Variants in ARFIP1 observed in about 807,000 individuals in gnomAD.
ARFIP1 encodes the protein arfaptin-1.
ARFIP1 carries 24 observed loss-of-function variants against 42.5 expected under a neutral mutation model. The ratio of observed to expected loss-of-function variants is 0.57; its 90% CI spans 0.41 to 0.80. The LOEUF is 0.80. Among genes scored for constraint, ARFIP1 ranks in the 30% least tolerant of loss-of-function variants. The probability of loss-of-function intolerance (pLI) is 0.00; values close to 1 mark genes in which losing one functional copy is unlikely to be tolerated. For synonymous variants in ARFIP1, 141 were observed against 153.7 expected, an observed-to-expected ratio of 0.92 and a Z score of 0.61; for missense variants, 354 against 434.0, an observed-to-expected ratio of 0.82 and a Z score of 1.64.
chr4:152,833,885 T>G (rs984033870), intron 2 of ARFIP1, among the ~76,000 whole-genome samples: 4 of 152,164 alleles, frequency 2.6e-5, no homozygotes, highest in Non-Finnish European at 4.4e-5. Context: ...TAGTCTGTTT[T>G]TGAGTTGCTA....
At chr4:152,904,431 C>T (rs1397801316) in intron 8 of ARFIP1, among the ~76,000 whole-genome samples, 4 of 152,010 alleles carry the variant, frequency 2.6e-5, no homozygotes, top group Non-Finnish European at 4.4e-5. Context: ...ACCTCGTGAT[C>T]TGCCCGCCTC....
intron 5 of ARFIP1, among the ~76,000 whole-genome samples, chr4:152,878,308 T>C (rs1735535933): frequency 6.6e-6 from 1 of 152,222 alleles, no homozygotes; most frequent in Non-Finnish European, 1.5e-5. Context: ...TTAATTCTCT[T>C]CCATTTTGAA....
intron 1 of ARFIP1, among the ~76,000 whole-genome samples, chr4:152,826,889 T>TA (rs1730881611): frequency 6.6e-6 from 1 of 152,188 alleles, no homozygotes; most frequent in Non-Finnish European, 1.5e-5. Context: ...ACCACATGGA[T>TA]AAACCTTGAA....
chr4:152,867,977 A>G (rs75907795), intron 3 of ARFIP1, among the ~76,000 whole-genome samples: 1 of 152,348 alleles, frequency 6.6e-6, no homozygotes, highest in Non-Finnish European at 1.5e-5. Context: ...ATAACATACA[A>G]TGGTTACAAT....
intron 1 of ARFIP1, among the ~76,000 whole-genome samples, chr4:152,800,037 C>G (rs1731705579): frequency 6.6e-6 from 1 of 151,872 alleles, no homozygotes; most frequent in Non-Finnish European, 1.5e-5. Flanking sequence ...TTAGCTATAC[C>G]CAAATATGCA....
At position 152,911,299 on chromosome 4, in the gene ARFIP1, AT is replaced by A. The variant is rs1738829231; in HGVS notation, c.*1081del. 1 of 152,628 alleles carries A rather than the reference AT, an allele frequency of 6.6e-6. No homozygotes were observed. 9.5% of individuals were successfully genotyped at this position (152,628 alleles called of 1,614,324 possible). A position where few individuals can be genotyped will look rare whatever the true frequency, so the allele number is the denominator to read the frequency against. ...ACATTTGAGGTTTATGGTAAAAATC[AT>A]CTTTTGAGTTTGCTCTTTGGTTTTT... On this transcript the variant is annotated 3_prime_UTR_variant, in exon 9 of 9. Transcript: ENST00000353617.
chr4:152,825,684 T>G (rs1200530013), intron 1 of ARFIP1, among the ~76,000 whole-genome samples: 6 of 151,992 alleles, frequency 3.9e-5, no homozygotes, highest in Non-Finnish European at 8.8e-5. Flanking sequence ...CAAAGATAAA[T>G]AAATGCAACT....
At chr4:152,887,166 TAA>T (rs1405361335) in intron 7 of ARFIP1, among the ~76,000 whole-genome samples, 3 of 151,962 alleles carry the variant, frequency 2.0e-5, no homozygotes, top group Non-Finnish European at 4.4e-5. Flanking sequence ...AGCTGCTGGA[TAA>T]ATCACTGTTT....
chr4:152,845,239 C>A (rs1351105806), intron 2 of ARFIP1, among the ~76,000 whole-genome samples: 1 of 152,120 alleles, frequency 6.6e-6, no homozygotes, highest in African/African-American at 2.4e-5. Flanking sequence ...AAAGATAAGA[C>A]CTCAAAGTAT....
intron 2 of ARFIP1, among the ~76,000 whole-genome samples, chr4:152,840,677 G>A (rs1487938628): frequency 2.0e-5 from 3 of 150,348 alleles, no homozygotes; most frequent in African/African-American, 4.9e-5. Context: ...GCAGATGGTT[G>A]GTTGATGAGT....
intron 5 of ARFIP1, among the ~76,000 whole-genome samples, chr4:152,879,233 G>T (rs1357672293): frequency 1.3e-5 from 2 of 151,848 alleles, no homozygotes; most frequent in African/African-American, 2.4e-5. Context: ...AATAGAAAAT[G>T]TGTTGGGAAG....
intron 3 of ARFIP1, among the ~76,000 whole-genome samples, chr4:152,864,515 T>C (rs12643600): frequency 0.39 from 58,581 of 152,018 alleles, 12,213 homozygotes; most frequent in Admixed American, 0.5. Flanking sequence ...CAGGAATTGC[T>C]TAATTCCTCC....
chr4:152,802,273 A>G (rs1728484596), intron 1 of ARFIP1, among the ~76,000 whole-genome samples: 1 of 152,196 alleles, frequency 6.6e-6, no homozygotes, highest in Non-Finnish European at 1.5e-5. Flanking sequence ...TGCAGCCTTC[A>G]TTGTCTGAAG....
At chr4:152,827,650 T>C (rs891291153) in intron 1 of ARFIP1, among the ~76,000 whole-genome samples, 1 of 152,172 alleles carries the variant, frequency 6.6e-6, no homozygotes, top group African/African-American at 2.4e-5. Flanking sequence ...ATAGTTGGAA[T>C]CATACAGTAT....
chr4:152,818,184 A>G (rs1730061200), intron 1 of ARFIP1, among the ~76,000 whole-genome samples: 1 of 152,242 alleles, frequency 6.6e-6, no homozygotes, highest in Non-Finnish European at 1.5e-5. Flanking sequence ...AAGAAGCAAC[A>G]TAGGAACTTA....
chr4:152,884,338 C>A (rs1305310391), intron 7 of ARFIP1, among the ~76,000 whole-genome samples: 1 of 151,840 alleles, frequency 6.6e-6, no homozygotes, highest in African/African-American at 2.4e-5. Context: ...TCAAAGGGTT[C>A]ATTATGTATA....
chr4:152,880,197 G>A, intron 5 of ARFIP1, among the ~76,000 whole-genome samples: 1 of 152,044 alleles, frequency 6.6e-6, no homozygotes. Context: ...CAAAAAATTA[G>A]CTGGGCTTGG....
intron 1 of ARFIP1, chr4:152,809,575 G>A (rs1729286284): frequency 1.3e-5 from 2 of 152,176 alleles, no homozygotes; most frequent in African/African-American, 2.4e-5. Context: ...TGCTTCTCAA[G>A]GGGGCTTGCT....
chr4:152,863,134 TG>T (rs1361770030), intron 2 of ARFIP1, among the ~76,000 whole-genome samples: 1 of 152,192 alleles, frequency 6.6e-6, no homozygotes, highest in Non-Finnish European at 1.5e-5. Flanking sequence ...TACCTCACCC[TG>T]ATTGAAGTCA....
Sources: gnomAD v4.1 joint callset for allele counts (sites outside exome capture counted in the v4.1 genomes callset) on GRCh38, gnomAD v4.1.1 for gene constraint, MANE v1.5 for transcripts, NCBI Gene and HGNC (gene_info 2026-07-23, HGNC 2026-07-21) for gene names.